The following CDNF variants were observed in gnomAD, a reference collection of about 807,000 sequenced individuals.
CDNF encodes ARMET-like protein 1.
A neutral mutation model predicts 14.8 loss-of-function variants in CDNF; 9 were observed. The observed-to-expected ratio is 0.61, with a 90% CI of 0.37 to 1.06. The LOEUF (loss-of-function observed/expected upper bound fraction) is 1.06, where lower values mean the gene tolerates loss of function less well. CDNF is among the 50% of genes least tolerant of loss of function. CDNF has a pLI of 0.01. For missense variants in CDNF, 228 were observed against 228.4 expected, an observed-to-expected ratio of 1.00 and a Z score of 0.01; for synonymous variants, 86 against 87.2, an observed-to-expected ratio of 0.99 and a Z score of 0.07.
intron 1 of CDNF, among the ~76,000 whole-genome samples, chr10:14,832,473 T>C (rs1264292576): frequency 6.6e-6 from 1 of 152,212 alleles, no homozygotes; most frequent in Non-Finnish European, 1.5e-5. Flanking sequence ...AGAAGAGTTA[T>C]GGTCCGACAT....
intron 3 of CDNF, among the ~76,000 whole-genome samples, chr10:14,823,579 T>C (rs924728278): frequency 6.6e-6 from 1 of 152,108 alleles, no homozygotes; most frequent in Non-Finnish European, 1.5e-5. Context: ...CAGGCTGGAG[T>C]ACAGTGAAAA....
chr10:14,828,603 T>C (rs1833819044), intron 1 of CDNF, among the ~76,000 whole-genome samples: 1 of 151,420 alleles, frequency 6.6e-6, no homozygotes, highest in African/African-American at 2.4e-5. Context: ...GCCGAGATCT[T>C]ACCACTGCAC....
At chr10:14,832,852 CTTTTTTTTTTTTT>C (rs918887413) in intron 1 of CDNF, among the ~76,000 whole-genome samples, 15 of 80,496 alleles carry the variant, frequency 1.9e-4, no homozygotes, top group South Asian at 5.3e-4. Flanking sequence ...TCTTTTTTTG[CTTTTTTTTTTTTT>C]TTTTTTTTTT....
Position 14,833,422 on chromosome 10 carries a change from G to A in CDNF, c.115+4410C>T, listed in dbSNP as rs1833862079. Among the ~76,000 whole-genome samples the A allele has an allele frequency of 1.3e-5, 2 of 152,106 alleles. 1 individual carries two copies. Among genetic ancestry groups the A allele is most frequent in the South Asian group, 4.2e-4 (2 of 4,808 alleles). On this transcript the variant is annotated intron_variant, in intron 1 of 3. Coordinates refer to ENST00000465530, the MANE Select transcript of CDNF (RefSeq NM_001029954.3). The stretch of plus-strand genomic sequence containing the variant: ...ACAGGCTCTCCTGGGTCTCCAGCCT[G>A]CTTGCCCACACTGCAGATTTTGGAC...
chr10:14,826,013 GC>G (rs1303826846), intron 2 of CDNF, among the ~76,000 whole-genome samples: 8 of 131,542 alleles, frequency 6.1e-5, no homozygotes, highest in African/African-American at 2.8e-4. Context: ...AGAAGCAGAA[GC>G]AGAAGAAGAA....
intron 2 of CDNF, among the ~76,000 whole-genome samples, chr10:14,826,092 A>AAGAAGAAGAAGAAGC (rs1833783756): frequency 9.0e-6 from 1 of 110,980 alleles, no homozygotes; most frequent in African/African-American, 3.2e-5. Context: ...GAAGAAGAAG[A>AAGAAGAAGAAGAAGC]AGAAGCAGCA....
At chr10:14,826,096 A>AGAAGAG (rs1317713477) in intron 2 of CDNF, among the ~76,000 whole-genome samples, 3 of 100,572 alleles carry the variant, frequency 3.0e-5, no homozygotes, top group East Asian at 2.7e-4. Context: ...AAGAAGAAGA[A>AGAAGAG]GCAGCAGCAG....
intron 3 of CDNF, 68 bp downstream of exon 3, chr10:14,825,411 A>G (rs1381935229): frequency 6.8e-7 from 1 of 1,481,200 alleles, no homozygotes; most frequent in Non-Finnish European, 9.2e-7. Context: ...TTTAGAAGAC[A>G]TGGCCCCAAC....
At chr10:14,834,118 A>T (rs1013566219) in intron 1 of CDNF, 3 of 152,172 alleles carry the variant, frequency 2.0e-5, no homozygotes, top group Non-Finnish European at 4.4e-5. Context: ...AGGCTGGCGG[A>T]TCGCTTGAGC....
At chr10:14,835,102 A>G (rs1833875995) in intron 1 of CDNF, among the ~76,000 whole-genome samples, 1 of 152,126 alleles carries the variant, frequency 6.6e-6, no homozygotes, top group Admixed American at 6.5e-5. Context: ...GAAGGGAAGG[A>G]GATGATGACT....
chr10:14,837,363 C>T (rs1161584227), intron 1 of CDNF, among the ~76,000 whole-genome samples: 1 of 152,206 alleles, frequency 6.6e-6, no homozygotes, highest in Non-Finnish European at 1.5e-5. Context: ...AAGCAATTTT[C>T]ACCTACAGAG....
In CDNF at chr10:14,822,215, C is replaced by T. The variant is rs192157571; in HGVS notation, c.386-2057G>A. The stretch of plus-strand genomic sequence containing the variant: ...GCTTCTAAAATTCTTGCCAATGATA[C>T]TTGTCACCAACATCTAACCTCCTCT... On this transcript the variant is annotated intron_variant, in intron 3 of 3. Coordinates refer to ENST00000465530, the MANE Select transcript of CDNF (RefSeq NM_001029954.3). Among the ~76,000 whole-genome samples, 85 of 152,260 alleles carry T rather than the reference C, an allele frequency of 5.6e-4. 1 individual carries two copies. The highest frequency in any genetic ancestry group is 1.5e-3 in the African/African-American group (62 of 41,538).
chr10:14,828,280 GAACA>G lies in CDNF; in HGVS notation c.116-12_116-9del. 6.2e-7 allele frequency: 1 copy of G among 1,612,920 alleles called. No individual in the cohort carries two copies. The highest frequency in any genetic ancestry group is 8.5e-7 in the Non-Finnish European group (1 of 1,179,356). Reference sequence around the variant, plus strand: ...TCAAGAATTCTTTACATACTGGAAGGAACAAATAAATATGTCTGCATGCACAACT... The same window carrying G: ...TCAAGAATTCTTTACATACTGGAAGGAATAAATATGTCTGCATGCACAACT... On this transcript the variant is annotated splice_polypyrimidine_tract_variant and intron_variant, in intron 1 of 3. Transcript: ENST00000465530.
chr10:14,837,984 C>G lies in CDNF; in HGVS notation c.-38G>C. On this transcript the variant is annotated 5_prime_UTR_variant, in exon 1 of 4. Transcript: ENST00000465530. ...GCTTCAATCGCCTCCGCCACCCGCG[C>G]CCACCGCCCACCAAGCTGCCAAAGC... is the stretch of plus-strand genomic sequence containing the variant. The G allele has an allele frequency of 6.9e-7, 1 of 1,450,338 alleles. No homozygotes were observed. Among genetic ancestry groups the G allele is most frequent in the Non-Finnish European group, 9.4e-7 (1 of 1,059,066 alleles). 89.8% of individuals were successfully genotyped at this position (1,450,338 alleles called of 1,614,324 possible).
intron 1 of CDNF, among the ~76,000 whole-genome samples, chr10:14,830,212 T>C: frequency 6.6e-6 from 1 of 152,202 alleles, no homozygotes; most frequent in East Asian, 1.9e-4. Context: ...AGGGACGTTT[T>C]GTTGTTATCA....
rs140598117 is a variant in CDNF at position 14,819,961 on chromosome 10, A to G, written c.*19T>C. On this transcript the variant is annotated 3_prime_UTR_variant, in exon 4 of 4. Transcript: ENST00000465530. ...CTTTTCTCTCTAATTACAAGTCACA[A>G]ATGTGCTGGCATTGGAGATCAGAGC... is the stretch of plus-strand genomic sequence containing the variant. The G allele has an allele frequency of 2.2e-5, 35 of 1,607,228 alleles. No individual in the cohort carries two copies. The African/African-American group carries it at 3.9e-4, about 18-fold the overall frequency.
chr10:14,836,978 A>G (rs1403398575), intron 1 of CDNF, among the ~76,000 whole-genome samples: 1 of 152,072 alleles, frequency 6.6e-6, no homozygotes, highest in Non-Finnish European at 1.5e-5. Context: ...CAAAAACACA[A>G]CTTTAGTACG....
At chr10:14,832,707 T>C (rs1241109682) in intron 1 of CDNF, among the ~76,000 whole-genome samples, 1 of 151,824 alleles carries the variant, frequency 6.6e-6, no homozygotes, top group Non-Finnish European at 1.5e-5. Context: ...TGTGTCAGAG[T>C]TGGGGAGAGA....
rs542073480 is a variant in CDNF at position 14,822,991 on chromosome 10, A to C, written c.385+2488T>G. Among the ~76,000 whole-genome samples the C allele has an allele frequency of 9.2e-5, 14 of 152,326 alleles. No homozygotes were observed. In the East Asian group the frequency reaches 2.1e-3, roughly 23 times the overall value. ...ACCTTCCTAATTGAAAACATACTCC[A>C]ACTCCACACTTATCTTGCTTGTTAA... is the stretch of plus-strand genomic sequence containing the variant. On this transcript the variant is annotated intron_variant, in intron 3 of 3. Transcript: ENST00000465530.
Sources: gnomAD v4.1 joint callset for allele counts (sites outside exome capture counted in the v4.1 genomes callset) on GRCh38, gnomAD v4.1.1 for gene constraint, MANE v1.5 for transcripts, NCBI Gene and HGNC (gene_info 2026-07-23, HGNC 2026-07-21) for gene names.